IL1RL1: variants seen among roughly 807,000 people sequenced by gnomAD.
The protein encoded by IL1RL1 is interleukin 1 receptor like 1.
IL1RL1 carries 32 observed loss-of-function variants against 50.9 expected under a neutral mutation model. The observed-to-expected ratio is 0.63, with a 90% CI of 0.47 to 0.84. The LOEUF is 0.84. Among genes scored for constraint, IL1RL1 ranks in the 40% least tolerant of loss-of-function variants. IL1RL1 has a pLI of 0.00. For synonymous variants in IL1RL1, 275 were observed against 236.0 expected (o/e 1.17, Z -1.51); for missense variants, 773 against 662.9 (o/e 1.17, Z -1.82).
intron 1 of IL1RL1, among the ~76,000 whole-genome samples, chr2:102,313,789 G>A (rs1226820444): frequency 2.0e-5 from 3 of 152,180 alleles, no homozygotes; most frequent in Non-Finnish European, 4.4e-5. Context: ...CAACAGTGGC[G>A]ATGCCAACAT....
intron 1 of IL1RL1, among the ~76,000 whole-genome samples, chr2:102,319,616 CAG>C (rs1559594916): frequency 6.6e-6 from 1 of 152,204 alleles, no homozygotes; most frequent in Non-Finnish European, 1.5e-5. Flanking sequence ...AGTGATCCAG[CAG>C]GCTATAAGGC....
intron 1 of IL1RL1, among the ~76,000 whole-genome samples, chr2:102,311,979 TAA>T (rs1478149524): frequency 5.5e-4 from 20 of 36,378 alleles, no homozygotes; most frequent in African/African-American, 4.0e-3. Context: ...ATATTATATA[TAA>T]TATATATTAT....
At chr2:102,352,070 C>G, downstream of IL1RL1, 1 of 818,926 alleles carries the variant, frequency 1.2e-6, no homozygotes, top group Non-Finnish European at 1.9e-6. Flanking sequence ...TTCCATTTCC[C>G]TGCTTCTGGG....
intron 1 of IL1RL1, among the ~76,000 whole-genome samples, chr2:102,332,009 A>G (rs1194424059): frequency 1.3e-5 from 2 of 152,158 alleles, no homozygotes; most frequent in African/African-American, 4.8e-5. Context: ...TGGAGACTGC[A>G]GTGAGCCATG....
intron 1 of IL1RL1, among the ~76,000 whole-genome samples, chr2:102,327,260 T>A (rs925828160): frequency 6.6e-6 from 1 of 151,568 alleles, no homozygotes; most frequent in African/African-American, 2.4e-5. Context: ...GACTACTGGG[T>A]ACATAACGAA....
chr2:102,352,128 T>C (rs1573166869), downstream of IL1RL1: 1 of 511,590 alleles, frequency 2.0e-6, no homozygotes, highest in Non-Finnish European at 3.4e-6. Context: ...TCCACCATCC[T>C]CCAGCCACCA....
intron 1 of IL1RL1, among the ~76,000 whole-genome samples, chr2:102,316,403 T>C (rs933097500): frequency 1.3e-5 from 2 of 152,196 alleles, no homozygotes; most frequent in African/African-American, 4.8e-5. Context: ...AGATATTCTC[T>C]TGGTGAACCT....
intron 5 of IL1RL1, 51 bp from the exon 6 acceptor site, chr2:102,342,172 T>G (rs1272146690): frequency 8.0e-7 from 1 of 1,247,130 alleles, no homozygotes; most frequent in Non-Finnish European, 1.2e-6. Context: ...AGCTTTATAT[T>G]GACTAGCATT....
rs372144350 is a variant in IL1RL1, at chr2:102,351,709, G to A, written c.1459G>A (p.Glu487Lys). 1.5e-5 allele frequency: 25 copies of A among 1,613,986 alleles called. No individual in the cohort carries two copies. Among genetic ancestry groups the A allele is most frequent in the South Asian group, 8.8e-5 (8 of 91,086 alleles). Residue 487 changes from glutamate to lysine, a missense_variant, in exon 11 of 11, where the codon GAG becomes AAG. Transcript: ENST00000233954. ...ACTTATTGAGATGGAGGCTCTGAGC[G>A]AGCTGGACATGCTGCAGGCTGAGGC... Reference protein sequence around the residue: ...VILIEMEALSELDMLQAEALQ... With the variant: ...VILIEMEALSKLDMLQAEALQ...
intron 1 of IL1RL1, among the ~76,000 whole-genome samples, chr2:102,325,885 C>T (rs569928427): frequency 5.0e-4 from 76 of 152,312 alleles, no homozygotes; most frequent in African/African-American, 1.8e-3. Context: ...ATTGGTATAC[C>T]TGAAAGTGAC....
At position 102,343,311 on chromosome 2, in the gene IL1RL1, T is replaced by C. The variant is rs905400426; in HGVS notation, c.866T>C (p.Ile289Thr). ...GLACLDMVLR[I>T]ADVKEEDLLL... is the part of the protein sequence containing the mutation. ...GCTTGTCTAGACATGGTTTTAAGAA[T>C]AGCTGACGTGAAGGAAGAGGATTTA... is the stretch of plus-strand genomic sequence containing the variant. The change falls in exon 8 of 11, where the codon ATA (isoleucine) becomes ACA (threonine). Residue 289 changes from isoleucine (I) to threonine (T), a missense_variant. Transcript: ENST00000233954. 3 of 1,614,210 alleles carry C rather than the reference T, an allele frequency of 1.9e-6. No homozygotes were observed. Among genetic ancestry groups the C allele is most frequent in the Non-Finnish European group, 2.5e-6 (3 of 1,180,038 alleles).
chr2:102,322,544 G>A (rs1676864785), intron 1 of IL1RL1, among the ~76,000 whole-genome samples: 2 of 152,152 alleles, frequency 1.3e-5, no homozygotes, highest in Non-Finnish European at 2.9e-5. Context: ...TTATCGTGTT[G>A]TGACAGATCC....
At position 102,338,166 on chromosome 2, in the gene IL1RL1, T is replaced by A. The variant is rs1042657418; in HGVS notation, c.-99T>A. 8.7e-6 allele frequency: 6 copies of A among 688,856 alleles called. No homozygotes were observed. Among genetic ancestry groups the A allele is most frequent in the African/African-American group, 3.6e-5 (2 of 55,156 alleles). 42.7% of individuals were successfully genotyped at this position (688,856 alleles called of 1,614,324 possible). A position where few individuals can be genotyped will look rare whatever the true frequency, so the allele number is the denominator to read the frequency against. On this transcript the variant is annotated 5_prime_UTR_variant, in exon 2 of 11. Transcript: ENST00000233954. ...CTCAGTCTTGAAGAGTATCACCAAC[T>A]GCCTCATGTGTGGTGACCTTCACTG...
intron 1 of IL1RL1, among the ~76,000 whole-genome samples, chr2:102,322,809 A>G (rs1443312395): frequency 6.6e-6 from 1 of 152,118 alleles, no homozygotes; most frequent in South Asian, 2.1e-4. Flanking sequence ...CACCTTTCCA[A>G]TCAAATTTCC....
intron 1 of IL1RL1, among the ~76,000 whole-genome samples, chr2:102,312,028 TTATATATTAAATATTATATATATAA>T (rs1559592306): frequency 2.0e-5 from 1 of 49,958 alleles, no homozygotes; most frequent in African/African-American, 8.4e-5. Flanking sequence ...ATAATATATA[TTATATATTAAATATTATATATATAA>T]TATATATAAC....
chr2:102,327,924 G>T (rs965981846), intron 1 of IL1RL1, among the ~76,000 whole-genome samples: 3 of 152,130 alleles, frequency 2.0e-5, no homozygotes, highest in African/African-American at 7.2e-5. Context: ...TCTACCAGAG[G>T]TACAAGGAGG....
At chr2:102,325,422 G>T (rs1187466647) in intron 1 of IL1RL1, among the ~76,000 whole-genome samples, 1 of 152,210 alleles carries the variant, frequency 6.6e-6, no homozygotes, top group Non-Finnish European at 1.5e-5. Flanking sequence ...CAGAAAAACT[G>T]GAAACTCTAA....
At chr2:102,339,404 C>G (rs544066488) in intron 3 of IL1RL1, 1 of 177,240 alleles carries the variant, frequency 5.6e-6, no homozygotes, top group Non-Finnish European at 1.2e-5. Context: ...TCTCAGGGGG[C>G]CTCTAGTAGG....
At chr2:102,349,000 G>A (rs1677859647) in intron 9 of IL1RL1, 79 bp from the exon 10 acceptor site, 2 of 1,076,774 alleles carry the variant, frequency 1.9e-6, no homozygotes, top group Admixed American at 3.6e-5. Context: ...CATAAAACTT[G>A]GAGAGGAATG....
Sources: gnomAD v4.1 joint callset for allele counts (sites outside exome capture counted in the v4.1 genomes callset) on GRCh38, gnomAD v4.1.1 for gene constraint, MANE v1.5 for transcripts, NCBI Gene and HGNC (gene_info 2026-07-23, HGNC 2026-07-21) for gene names.